Variants in PAX5 observed in about 807,000 individuals in gnomAD.
PAX5 encodes the protein paired box 5, also known as paired box protein Pax-5.
PAX5 carries 9 observed loss-of-function variants against 43.7 expected under a neutral mutation model. The ratio of observed to expected loss-of-function variants is 0.21; its 90% CI spans 0.12 to 0.36. The LOEUF is 0.36. PAX5 is among the 10% of genes least tolerant of loss of function. The pLI, the probability that PAX5 is intolerant of heterozygous loss-of-function variation, is 1.00. For missense variants in PAX5, 383 were observed against 532.7 expected (o/e 0.72, Z 2.77); for synonymous variants, 228 against 214.3 (o/e 1.06, Z -0.56).
At position 36,834,120 on chromosome 9, in the gene PAX5, A is replaced by C. The variant is rs1821469757; in HGVS notation, c.*6440T>G. The C allele has an allele frequency of 4.3e-6, 1 of 233,176 alleles. No individual in the cohort carries two copies. Among genetic ancestry groups the C allele is most frequent in the African/African-American group, 2.2e-5 (1 of 45,338 alleles). The allele number at this position is 233,176 out of a possible 1,614,324, so 14.4% of individuals were successfully genotyped here. On this transcript the variant is annotated 3_prime_UTR_variant, in exon 10 of 10. Transcript: ENST00000358127. ...AACCAGGGCAGCGTCTTCCAGCAGG[A>C]GTCAGGGCAAACCCAGAGCCAAAAC...
chr9:37,019,706 A>G (rs1341243805), intron 2 of PAX5, among the ~76,000 whole-genome samples: 1 of 152,238 alleles, frequency 6.6e-6, no homozygotes, highest in Non-Finnish European at 1.5e-5. Flanking sequence ...CGGGAAAAGA[A>G]ATAGTGAGAA....
At chr9:36,924,460 A>G (rs1004700692) in intron 6 of PAX5, among the ~76,000 whole-genome samples, 2 of 152,076 alleles carry the variant, frequency 1.3e-5, no homozygotes, top group African/African-American at 4.8e-5. Context: ...TGGCTCACGC[A>G]TGTCATTCCA....
chr9:36,874,670 G>A (rs1038766354), intron 8 of PAX5, among the ~76,000 whole-genome samples: 7 of 152,162 alleles, frequency 4.6e-5, no homozygotes, highest in African/African-American at 1.7e-4. Context: ...CAGACCCACT[G>A]TATTCGGAGA....
At chr9:37,033,631 C>A (rs1395383252) in intron 1 of PAX5, among the ~76,000 whole-genome samples, 1 of 148,748 alleles carries the variant, frequency 6.7e-6, no homozygotes, top group African/African-American at 2.5e-5. Context: ...CACACACAGG[C>A]AAACAACTTT....
chr9:36,939,543 A>G (rs1440525568), intron 6 of PAX5, among the ~76,000 whole-genome samples: 1 of 152,230 alleles, frequency 6.6e-6, no homozygotes, highest in African/African-American at 2.4e-5. Context: ...ATACATATAA[A>G]TAGCTGCATT....
chr9:36,895,254 C>T (rs955516081), intron 7 of PAX5, among the ~76,000 whole-genome samples: 1 of 152,210 alleles, frequency 6.6e-6, no homozygotes, highest in African/African-American at 2.4e-5. Flanking sequence ...CTGTGTGTGC[C>T]GCCGAATCCG....
intron 7 of PAX5, among the ~76,000 whole-genome samples, chr9:36,918,935 C>T (rs1829925546): frequency 6.6e-6 from 1 of 152,158 alleles, no homozygotes; most frequent in Non-Finnish European, 1.5e-5. Context: ...CACTAAACAA[C>T]AGATTTTCAA....
intron 1 of PAX5, chr9:37,026,737 G>C (rs1840421566): frequency 1.0e-6 from 1 of 985,222 alleles, no homozygotes; most frequent in Non-Finnish European, 1.2e-6. Flanking sequence ...CTCCCTGCTG[G>C]AGACCGCCCG....
chr9:36,903,193 C>T (rs111379841), intron 7 of PAX5, among the ~76,000 whole-genome samples: 3 of 152,272 alleles, frequency 2.0e-5, no homozygotes, highest in Admixed American at 2.0e-4. Context: ...GGCACTTGGC[C>T]TTCTCTCTCC....
At position 36,833,435 on chromosome 9, in the gene PAX5, T is replaced by C. The variant is rs1821420942; in HGVS notation, c.*7125A>G. 1 of 233,222 alleles carries C rather than the reference T, an allele frequency of 4.3e-6. No individual in the cohort carries two copies. Among genetic ancestry groups the C allele is most frequent in the Non-Finnish European group, 8.5e-6 (1 of 118,038 alleles). The allele number at this position is 233,222 out of a possible 1,614,324, so 14.4% of individuals were successfully genotyped here. A position where few individuals can be genotyped will look rare whatever the true frequency, so the allele number is the denominator to read the frequency against. Reference sequence around the variant, plus strand: ...TTGAAACTACGCCAATCTTATTGCATGTTTCTCCAACTAATCTAAAATAAA... The same window carrying C: ...TTGAAACTACGCCAATCTTATTGCACGTTTCTCCAACTAATCTAAAATAAA... On this transcript the variant is annotated 3_prime_UTR_variant, in exon 10 of 10. Coordinates refer to ENST00000358127, the MANE Select transcript of PAX5 (RefSeq NM_016734.3).
At chr9:36,870,207 C>G (rs1587824956) in intron 8 of PAX5, among the ~76,000 whole-genome samples, 1 of 152,030 alleles carries the variant, frequency 6.6e-6, no homozygotes, top group Admixed American at 6.6e-5. Context: ...GCTCAAGGCC[C>G]CACAATTATT....
intron 1 of PAX5, among the ~76,000 whole-genome samples, chr9:37,028,078 C>T (rs1026104883): frequency 6.6e-6 from 1 of 151,938 alleles, no homozygotes. Context: ...TGAGAGCAGT[C>T]GATTGAAGGG....
At chr9:36,989,853 T>C (rs1386790654) in intron 5 of PAX5, among the ~76,000 whole-genome samples, 2 of 152,244 alleles carry the variant, frequency 1.3e-5, no homozygotes, top group Admixed American at 1.3e-4. Flanking sequence ...TTTGCTGTTG[T>C]GAACCAGGCC....
At chr9:36,845,584 T>C (rs571672959) in intron 9 of PAX5, among the ~76,000 whole-genome samples, 2 of 152,306 alleles carry the variant, frequency 1.3e-5, no homozygotes, top group South Asian at 2.1e-4. Context: ...GCAGCACTAA[T>C]GGGAATTGTT....
intron 5 of PAX5, among the ~76,000 whole-genome samples, chr9:36,999,401 C>T (rs1046009187): frequency 2.0e-5 from 3 of 152,336 alleles, no homozygotes; most frequent in Non-Finnish European, 4.4e-5. Flanking sequence ...CTGCCCTCCT[C>T]ATCAGAGGAA....
chr9:36,905,382 G>A (rs1828729167), intron 7 of PAX5, among the ~76,000 whole-genome samples: 3 of 152,210 alleles, frequency 2.0e-5, no homozygotes, highest in African/African-American at 7.2e-5. Flanking sequence ...AATTCCCACT[G>A]GGCAGACGGC....
rs1206799276 is a variant in PAX5, at chr9:36,881,968, C to T, written c.1012+36G>A. On this transcript the variant is annotated intron_variant, in intron 8 of 9. Transcript: ENST00000358127. ...TGTCCCCCCACCGAAACCCCGTCCG[C>T]TGCCTGCTGTGGAGACGCCGACAGT... The T allele has an allele frequency of 3.3e-6, 5 of 1,520,386 alleles. No homozygotes were observed. In the South Asian group the frequency reaches 4.7e-5, roughly 14 times the overall value. 94.2% of individuals were successfully genotyped at this position (1,520,386 alleles called of 1,614,324 possible).
intron 1 of PAX5, among the ~76,000 whole-genome samples, chr9:37,025,532 C>G (rs1387090847): frequency 6.6e-6 from 1 of 152,218 alleles, no homozygotes; most frequent in Non-Finnish European, 1.5e-5. Flanking sequence ...CCGAGGCTGC[C>G]GAAGCCTGTC....
chr9:36,967,656 A>G (rs1041964294), intron 5 of PAX5, among the ~76,000 whole-genome samples: 1 of 152,248 alleles, frequency 6.6e-6, no homozygotes, highest in Non-Finnish European at 1.5e-5. Flanking sequence ...GATGTGCAAT[A>G]TAAATCTCTC....
Sources: allele counts gnomAD v4.1 joint callset (sites outside exome capture counted in the v4.1 genomes callset), GRCh38; gene constraint gnomAD v4.1.1; transcripts MANE v1.5; gene names NCBI Gene and HGNC (gene_info 2026-07-23, HGNC 2026-07-21).